The following RFX3 variants were observed in gnomAD, a reference collection of about 807,000 sequenced individuals.
RFX3 encodes the protein transcription factor RFX3.
A neutral mutation model predicts 98.6 loss-of-function variants in RFX3; 14 were observed. The observed-to-expected ratio is 0.14, with a 90% CI of 0.09 to 0.22. RFX3 has a LOEUF of 0.22. Among genes scored for constraint, RFX3 ranks in the 10% least tolerant of loss-of-function variants. The pLI is 1.00. For synonymous variants in RFX3, 383 were observed against 328.4 expected (o/e 1.17, Z -1.80); for missense variants, 639 against 926.9 (o/e 0.69, Z 4.03).
chr9:3,524,159 A>T (rs1039700665), intron 1 of RFX3, among the ~76,000 whole-genome samples: 1 of 152,192 alleles, frequency 6.6e-6, no homozygotes, highest in African/African-American at 2.4e-5. Flanking sequence ...ATAGTACATT[A>T]TATTTGTTTT....
intron 4 of RFX3, among the ~76,000 whole-genome samples, chr9:3,319,349 C>T (rs1466254439): frequency 6.6e-6 from 1 of 152,040 alleles, no homozygotes; most frequent in Non-Finnish European, 1.5e-5. Context: ...TTCACTAAAA[C>T]ATGATCTTTT....
At chr9:3,256,436 G>A (rs1449909619) in intron 14 of RFX3, among the ~76,000 whole-genome samples, 2 of 151,912 alleles carry the variant, frequency 1.3e-5, no homozygotes, top group African/African-American at 4.8e-5. Flanking sequence ...TTCTGGGTAT[G>A]CATCAGAATC....
At chr9:3,333,880 A>G (rs952204063) in intron 3 of RFX3, among the ~76,000 whole-genome samples, 3 of 152,180 alleles carry the variant, frequency 2.0e-5, no homozygotes, top group Admixed American at 2.0e-4. Flanking sequence ...ACCATTTACT[A>G]TGCAGCAGAC....
At chr9:3,395,400 T>C (rs905507272) in intron 2 of RFX3, 72 bp downstream of exon 2, 17 of 1,541,716 alleles carry the variant, frequency 1.1e-5, no homozygotes, top group Non-Finnish European at 8.0e-6. Flanking sequence ...AAATAATTTT[T>C]GGATACAGGT....
intron 1 of RFX3, among the ~76,000 whole-genome samples, chr9:3,409,706 T>C (rs1271024708): frequency 6.6e-6 from 1 of 152,218 alleles, no homozygotes; most frequent in African/African-American, 2.4e-5. Flanking sequence ...AAAAAAACTA[T>C]CTATTCAGTG....
intron 3 of RFX3, among the ~76,000 whole-genome samples, chr9:3,332,377 T>C (rs1832695831): frequency 6.6e-6 from 1 of 152,208 alleles, no homozygotes; most frequent in Non-Finnish European, 1.5e-5. Flanking sequence ...ATTTTGTGCA[T>C]GACACCAAGT....
intron 1 of RFX3, among the ~76,000 whole-genome samples, chr9:3,516,935 A>C (rs1304408207): frequency 1.3e-5 from 2 of 152,246 alleles, no homozygotes; most frequent in Non-Finnish European, 2.9e-5. Flanking sequence ...AAATGAGGGC[A>C]CTTGGCCACC....
intron 7 of RFX3, 111 bp from the exon 8 acceptor site, chr9:3,277,572 T>C: frequency 1.1e-6 from 1 of 877,974 alleles, no homozygotes; most frequent in Admixed American, 2.7e-5. Context: ...TAACGTCTCA[T>C]GATAGTTGTA....
chr9:3,416,585 C>CAG (rs1843002683), intron 1 of RFX3, among the ~76,000 whole-genome samples: 1 of 152,146 alleles, frequency 6.6e-6, no homozygotes, highest in South Asian at 2.1e-4. Context: ...CAGTATGGTC[C>CAG]TCTATCCCAT....
At chr9:3,275,700 GAA>G in intron 8 of RFX3, 88 bp from the exon 9 acceptor site, 1 of 695,052 alleles carries the variant, frequency 1.4e-6, no homozygotes, top group Non-Finnish European at 2.4e-6. Flanking sequence ...AGACCAAAAA[GAA>G]AAACAAATTT....
At chr9:3,308,199 A>C (rs575123695) in intron 4 of RFX3, among the ~76,000 whole-genome samples, 12 of 152,166 alleles carry the variant, frequency 7.9e-5, no homozygotes, top group Admixed American at 2.0e-4. Flanking sequence ...GTTAGGATAC[A>C]TAGTGCTTGG....
intron 4 of RFX3, among the ~76,000 whole-genome samples, chr9:3,306,324 T>G (rs1384665758): frequency 6.6e-6 from 1 of 152,084 alleles, no homozygotes; most frequent in African/African-American, 2.4e-5. Flanking sequence ...ATTCAAGATT[T>G]TTTTTAAGTA....
intron 2 of RFX3, among the ~76,000 whole-genome samples, chr9:3,357,370 G>C (rs142490270): frequency 6.6e-6 from 1 of 151,780 alleles, no homozygotes; most frequent in African/African-American, 2.4e-5. Context: ...TATTTCCTTT[G>C]AGGCCTAATT....
intron 1 of RFX3, among the ~76,000 whole-genome samples, chr9:3,489,805 T>A (rs960133795): frequency 6.6e-6 from 1 of 152,168 alleles, no homozygotes; most frequent in African/African-American, 2.4e-5. Flanking sequence ...CAAAGCACTC[T>A]GAGTAGTGCC....
At chr9:3,368,177 G>C (rs1837420669) in intron 2 of RFX3, among the ~76,000 whole-genome samples, 2 of 151,944 alleles carry the variant, frequency 1.3e-5, no homozygotes, top group African/African-American at 4.8e-5. Context: ...CATACTCTAA[G>C]AAATATTACT....
At chr9:3,481,046 G>T (rs1198487774) in intron 1 of RFX3, among the ~76,000 whole-genome samples, 3 of 152,084 alleles carry the variant, frequency 2.0e-5, no homozygotes, top group African/African-American at 7.2e-5. Context: ...TTACTATGAA[G>T]AATAATAACA....
chr9:3,376,124 C>T (rs1040139321), intron 2 of RFX3, among the ~76,000 whole-genome samples: 4 of 152,094 alleles, frequency 2.6e-5, no homozygotes, highest in African/African-American at 9.7e-5. Context: ...CGGATTAAAA[C>T]CACAATGAGA....
intron 1 of RFX3, among the ~76,000 whole-genome samples, chr9:3,457,249 G>T (rs565090810): frequency 7.5e-6 from 1 of 132,996 alleles, no homozygotes; most frequent in Non-Finnish European, 1.6e-5. Context: ...TCTCTTTTTT[G>T]AAAATAAAAA....
At chr9:3,406,657 A>G (rs569736652) in intron 1 of RFX3, among the ~76,000 whole-genome samples, 2 of 152,302 alleles carry the variant, frequency 1.3e-5, no homozygotes, top group South Asian at 4.1e-4. Context: ...GACCCTATTG[A>G]AACATTACTA....
Sources: gnomAD v4.1 joint callset for allele counts (sites outside exome capture counted in the v4.1 genomes callset) on GRCh38, gnomAD v4.1.1 for gene constraint, MANE v1.5 for transcripts, NCBI Gene and HGNC (gene_info 2026-07-23, HGNC 2026-07-21) for gene names.